The following ACTN4 variants were observed in gnomAD, a reference collection of about 807,000 sequenced individuals.
The protein encoded by ACTN4 is actinin alpha 4, also known as alpha-actinin-4.
ACTN4 carries 18 observed loss-of-function variants against 114.2 expected under a neutral mutation model. The observed-to-expected ratio is 0.16, with a 90% confidence interval of 0.11 to 0.23. The LOEUF is 0.23. ACTN4 is among the 10% of genes least tolerant of loss of function. ACTN4 has a pLI of 1.00. For missense variants in ACTN4, 722 were observed against 1,262.9 expected (o/e 0.57, Z 6.49); for synonymous variants, 515 against 506.3 (o/e 1.02, Z -0.23).
Position 38,731,071 on chromosome 19 carries a change from T to C in ACTN4, c.*1639T>C. The C allele has an allele frequency of 1.9e-6, 3 of 1,573,612 alleles. No homozygotes were observed. The highest frequency in any genetic ancestry group is 2.6e-6 in the Non-Finnish European group (3 of 1,160,084). ...AGTGCCCACCAGTCCCCGTACCCCT[T>C]CCCCCCATGCCCCACCATGCCGGGG... On this transcript the variant is annotated 3_prime_UTR_variant, in exon 21 of 21. Coordinates refer to ENST00000252699, the MANE Select transcript of ACTN4 (RefSeq NM_004924.6).
At position 38,663,363 on chromosome 19, in the gene ACTN4, G is replaced by A. The variant is rs1378427707; in HGVS notation, c.162+15456G>A. ...GCAGAGCTCTGTGCCGAGCCTTTAGGGGTATGAGAGAAACCGGAGACCTGG... is the reference window on the plus strand; with the variant it reads ...GCAGAGCTCTGTGCCGAGCCTTTAGAGGTATGAGAGAAACCGGAGACCTGG... On this transcript the variant is annotated intron_variant, in intron 1 of 20. Transcript: ENST00000252699. 4.6e-5 allele frequency among the ~76,000 whole-genome samples: 7 copies of A among 152,208 alleles called. No individual in the cohort carries two copies. In the East Asian group the frequency reaches 1.2e-3, roughly 25 times the overall value.
rs1969610445 is a variant in ACTN4 at position 38,731,516 on chromosome 19, T to G, written c.*2084T>G. ...GGGTACTGTTACTCCTTAAATCCTG[T>G]GGGGCTTTCTCCTTGCCAGTGGGCA... On this transcript the variant is annotated 3_prime_UTR_variant, in exon 21 of 21. Transcript: ENST00000252699. The G allele has an allele frequency of 4.3e-6, 2 of 467,806 alleles. No homozygotes were observed. Among genetic ancestry groups the G allele is most frequent in the African/African-American group, 3.9e-5 (2 of 51,438 alleles). The allele number at this position is 467,806 out of a possible 1,614,324, so 29.0% of individuals were successfully genotyped here. A position where few individuals can be genotyped will look rare whatever the true frequency, so the allele number is the denominator to read the frequency against.
chr19:38,701,425 G>A (rs990295449), intron 3 of ACTN4, among the ~76,000 whole-genome samples: 6 of 152,304 alleles, frequency 3.9e-5, no homozygotes, highest in Admixed American at 6.5e-5. Flanking sequence ...GACTCAGGTC[G>A]CCCTCACTGG....
intron 1 of ACTN4, among the ~76,000 whole-genome samples, chr19:38,676,967 G>A (rs1967396660): frequency 6.6e-6 from 1 of 152,122 alleles, no homozygotes; most frequent in South Asian, 2.1e-4. Context: ...AAGTCCCCAA[G>A]GCCCTGCAGG....
chr19:38,657,828 T>G (rs1247031223), intron 1 of ACTN4, among the ~76,000 whole-genome samples: 1 of 152,186 alleles, frequency 6.6e-6, no homozygotes, highest in East Asian at 1.9e-4. Context: ...ATGACAGGCC[T>G]TCTTTTACCA....
chr19:38,724,533 G>A lies in ACTN4; in HGVS notation c.1978G>A (p.Val660Ile), dbSNP rs1217584300. ...CCGCCAGTTCGCCAGCCAGGCCAAT[G>A]TTGTGGGGCCCTGGATCCAGACCAA... ...LRRQFASQAN[V>I]VGPWIQTKME... Residue 660 changes from valine to isoleucine, a missense_variant, in exon 16 of 21, where the codon GTT becomes ATT. This residue lies in a region of ACTN4 where 523 missense variants were observed against 875.9 expected (regional missense o/e 0.60). Coordinates refer to ENST00000252699, the MANE Select transcript of ACTN4 (RefSeq NM_004924.6). The surrounding 1 kb of genome is among the most constrained non-coding windows in gnomAD (Gnocchi z 7.0). 2.5e-6 allele frequency: 4 copies of A among 1,613,660 alleles called. No homozygotes were observed. The highest frequency in any genetic ancestry group is 3.4e-6 in the Non-Finnish European group (4 of 1,180,006).
chr19:38,726,259 G>A (rs1286296477), intron 17 of ACTN4, among the ~76,000 whole-genome samples: 9 of 149,318 alleles, frequency 6.0e-5, no homozygotes, highest in Admixed American at 5.4e-4. Flanking sequence ...CCACACTTCG[G>A]TCTGGGTGAC....
At chr19:38,649,908 G>T (rs1334419122) in intron 1 of ACTN4, among the ~76,000 whole-genome samples, 1 of 152,164 alleles carries the variant, frequency 6.6e-6, no homozygotes, top group African/African-American at 2.4e-5. Flanking sequence ...CATGGCAGTG[G>T]CTTGGTGGGA....
At chr19:38,726,144 C>T (rs546684696) in intron 17 of ACTN4, among the ~76,000 whole-genome samples, 1 of 152,172 alleles carries the variant, frequency 6.6e-6, no homozygotes. Context: ...AAATATTAGC[C>T]AGGCATGGTG....
chr19:38,722,477 AG>A (rs11338400), intron 12 of ACTN4, among the ~76,000 whole-genome samples: 52,343 of 152,062 alleles, frequency 0.34, 10,873 homozygotes, highest in Non-Finnish European at 0.46. Flanking sequence ...CCTGAGTCCA[AG>A]GCCCAGCCCT....
chr19:38,653,526 C>T (rs374075792), intron 1 of ACTN4, among the ~76,000 whole-genome samples: 1 of 152,002 alleles, frequency 6.6e-6, no homozygotes, highest in Non-Finnish European at 1.5e-5. Context: ...CTTGCTCGTT[C>T]AGGTTTTCTG....
chr19:38,723,126 G>A (rs1394981679), intron 12 of ACTN4, among the ~76,000 whole-genome samples: 2 of 152,212 alleles, frequency 1.3e-5, no homozygotes, highest in African/African-American at 4.8e-5. Flanking sequence ...GTTTGCCCAG[G>A]GTCACACAGC....
chr19:38,719,935 G>A (rs1968979305), intron 11 of ACTN4, among the ~76,000 whole-genome samples: 1 of 152,224 alleles, frequency 6.6e-6, no homozygotes, highest in Non-Finnish European at 1.5e-5. Context: ...GGCCCAGCTG[G>A]TTCAGCGGCC....
intron 1 of ACTN4, among the ~76,000 whole-genome samples, chr19:38,685,823 G>T (rs2041013733): frequency 6.6e-6 from 1 of 152,068 alleles, no homozygotes; most frequent in African/African-American, 2.4e-5. Flanking sequence ...TGTTGAATCA[G>T]AGCCTCTCAA....
At chr19:38,711,973 TC>T (rs1968668704) in intron 8 of ACTN4, among the ~76,000 whole-genome samples, 1 of 151,976 alleles carries the variant, frequency 6.6e-6, no homozygotes, top group Non-Finnish European at 1.5e-5. Flanking sequence ...CAAGCACTGC[TC>T]CCCCCGCTTG....
At chr19:38,725,646 G>C in intron 16 of ACTN4, 78 bp from the exon 17 acceptor site, 1 of 1,528,830 alleles carries the variant, frequency 6.5e-7, no homozygotes, top group Non-Finnish European at 8.9e-7. Context: ...CAGGCCAGCA[G>C]CGCGAGTGGG....
chr19:38,731,035 G>A lies in ACTN4; in HGVS notation c.*1603G>A. ...CTGGCTGCAGTGGCCTGTGCAGAGA[G>A]GGGCAGGGTGAGTGCCCACCAGTCC... is the stretch of plus-strand genomic sequence containing the variant. On this transcript the variant is annotated 3_prime_UTR_variant, in exon 21 of 21. Transcript: ENST00000252699. 6.4e-7 allele frequency: 1 copy of A among 1,556,290 alleles called. No individual in the cohort carries two copies. The highest frequency in any genetic ancestry group is 8.7e-7 in the Non-Finnish European group (1 of 1,150,530).
chr19:38,729,463 C>G lies in ACTN4; in HGVS notation c.*31C>G. On this transcript the variant is annotated 3_prime_UTR_variant, in exon 21 of 21. Coordinates refer to ENST00000252699, the MANE Select transcript of ACTN4 (RefSeq NM_004924.6). ...CAGAGACCTGACCCAACACCCCCGA[C>G]GGCCTCCAGGAGGGGCCTGGGCAGC... is the stretch of plus-strand genomic sequence containing the variant. 1 of 1,607,222 alleles carries G rather than the reference C, an allele frequency of 6.2e-7. No homozygotes were observed. The highest frequency in any genetic ancestry group is 1.3e-5 in the African/African-American group (1 of 74,590).
chr19:38,680,093 C>T (rs1370026017), intron 1 of ACTN4, among the ~76,000 whole-genome samples: 3 of 152,036 alleles, frequency 2.0e-5, no homozygotes, highest in African/African-American at 2.4e-5. Context: ...CACGCTCTAT[C>T]GCAGTTATTT....
Sources: gnomAD v4.1 joint callset for allele counts (sites outside exome capture counted in the v4.1 genomes callset) on GRCh38, gnomAD v4.1.1 for gene constraint, gnomAD v4.1.1 regional missense constraint, Gnocchi (gnomAD v3.1) non-coding constraint, MANE v1.5 for transcripts, NCBI Gene and HGNC (gene_info 2026-07-23, HGNC 2026-07-21) for gene names.